Variants in LIMS1 observed in about 807,000 individuals in gnomAD.
The protein encoded by LIMS1 is LIM and senescent cell antigen-like-containing domain protein 1.
LIMS1 carries 18 observed loss-of-function variants against 44.1 expected under a neutral mutation model. The ratio of observed to expected loss-of-function variants is 0.41; its 90% confidence interval spans 0.28 to 0.61. The LOEUF (loss-of-function observed/expected upper bound fraction) is 0.61. Ranked by LOEUF, LIMS1 falls within the 20% of genes least tolerant of loss-of-function variation. The pLI, the probability that LIMS1 is intolerant of heterozygous loss-of-function variation, is 0.32. For synonymous variants in LIMS1, 93 were observed against 149.1 expected (o/e 0.62, Z 2.74); for missense variants, 201 against 422.0 (o/e 0.48, Z 4.59).
chr2:108,589,823 A>G (rs552354135), intron 1 of LIMS1, among the ~76,000 whole-genome samples: 2 of 151,884 alleles, frequency 1.3e-5, no homozygotes, highest in East Asian at 1.9e-4. Flanking sequence ...TAATTTCCAC[A>G]TATTTGTTAA....
At chr2:108,635,038 C>T (rs1249806495) in intron 1 of LIMS1, among the ~76,000 whole-genome samples, 2 of 152,150 alleles carry the variant, frequency 1.3e-5, no homozygotes, top group Non-Finnish European at 2.9e-5. Flanking sequence ...CCAGAAAGTG[C>T]CATGAGGATG....
At chr2:108,620,566 G>A (rs927714315) in intron 1 of LIMS1, among the ~76,000 whole-genome samples, 17 of 152,112 alleles carry the variant, frequency 1.1e-4, no homozygotes, top group African/African-American at 3.6e-4. Context: ...GTCACTTTCC[G>A]AGGTCAAATG....
At chr2:108,563,630 G>T (rs1685197933) in intron 1 of LIMS1, among the ~76,000 whole-genome samples, 1 of 152,224 alleles carries the variant, frequency 6.6e-6, no homozygotes, top group Non-Finnish European at 1.5e-5. Flanking sequence ...GATGAACAAA[G>T]AAAGTGATTT....
intron 1 of LIMS1, among the ~76,000 whole-genome samples, chr2:108,555,567 G>C (rs1401135388): frequency 1.3e-5 from 2 of 152,240 alleles, no homozygotes; most frequent in Admixed American, 6.5e-5. Context: ...ACAAAGTGCT[G>C]TGTGCGTGGT....
At chr2:108,563,831 G>T (rs900391935) in intron 1 of LIMS1, among the ~76,000 whole-genome samples, 1 of 152,080 alleles carries the variant, frequency 6.6e-6, no homozygotes, top group African/African-American at 2.4e-5. Flanking sequence ...GGCCAAGGTG[G>T]GAGGATTGCT....
intron 1 of LIMS1, among the ~76,000 whole-genome samples, chr2:108,599,947 G>A (rs1296079505): frequency 6.6e-6 from 1 of 151,460 alleles, no homozygotes; most frequent in Non-Finnish European, 1.5e-5. Context: ...CTTGTCAGAT[G>A]GTTAGTTTGC....
At chr2:108,557,156 C>G (rs796683000) in intron 1 of LIMS1, among the ~76,000 whole-genome samples, 14 of 152,288 alleles carry the variant, frequency 9.2e-5, no homozygotes, top group African/African-American at 3.4e-4. Context: ...CAGCTCACTG[C>G]AGCCTCAACC....
At chr2:108,551,491 GCACACACACACACACACA>G (rs67589132) in intron 1 of LIMS1, among the ~76,000 whole-genome samples, 6 of 114,868 alleles carry the variant, frequency 5.2e-5, no homozygotes, top group African/African-American at 1.3e-4. Flanking sequence ...GCGCGCGCGC[GCACACACACACACACACA>G]CACACACACA....
intron 1 of LIMS1, among the ~76,000 whole-genome samples, chr2:108,616,082 C>T (rs1687911967): frequency 6.6e-6 from 1 of 151,332 alleles, no homozygotes; most frequent in East Asian, 1.9e-4. Flanking sequence ...CATATTGTAT[C>T]AGTGGCTTTT....
chr2:108,553,196 C>T (rs1684819650), intron 1 of LIMS1, among the ~76,000 whole-genome samples: 1 of 152,328 alleles, frequency 6.6e-6, no homozygotes. Flanking sequence ...TTGTAGGGTT[C>T]AAGGTTTCCT....
At chr2:108,533,681 G>C, upstream of LIMS1, 2 of 152,518 alleles carry the variant, frequency 1.3e-5, no homozygotes, top group Non-Finnish European at 2.9e-5. Context: ...AAAGTGCTGG[G>C]ATTACAGGCG....
At chr2:108,665,033 T>C (rs568887980) in intron 2 of LIMS1, among the ~76,000 whole-genome samples, 28 of 152,354 alleles carry the variant, frequency 1.8e-4, no homozygotes, top group Non-Finnish European at 3.5e-4. Flanking sequence ...TAGGGAGTGC[T>C]GAAACCCATA....
intron 1 of LIMS1, among the ~76,000 whole-genome samples, chr2:108,580,587 T>C (rs2104653804): frequency 6.6e-6 from 1 of 152,274 alleles, no homozygotes; most frequent in South Asian, 2.1e-4. Context: ...GTTGCATTAA[T>C]CCACATAGGA....
chr2:108,538,249 C>T (rs1384183488), intron 1 of LIMS1, among the ~76,000 whole-genome samples: 6 of 152,224 alleles, frequency 3.9e-5, no homozygotes, highest in African/African-American at 1.4e-4. Context: ...CCTTTTCACT[C>T]TTTCTGATAT....
chr2:108,656,317 CT>C (rs1690837416), intron 1 of LIMS1, among the ~76,000 whole-genome samples: 1 of 139,832 alleles, frequency 7.2e-6, no homozygotes, highest in East Asian at 2.0e-4. Flanking sequence ...ATCTATCTAT[CT>C]ATAGATAGAT....
At chr2:108,572,023 A>C (rs1220903809) in intron 1 of LIMS1, among the ~76,000 whole-genome samples, 3 of 152,234 alleles carry the variant, frequency 2.0e-5, no homozygotes, top group Admixed American at 2.0e-4. Flanking sequence ...TAGCAATGCC[A>C]AAACTGTAAT....
At chr2:108,559,564 G>A (rs1685043059) in intron 1 of LIMS1, among the ~76,000 whole-genome samples, 1 of 152,104 alleles carries the variant, frequency 6.6e-6, no homozygotes, top group Non-Finnish European at 1.5e-5. Flanking sequence ...TAATTATGAA[G>A]AAGCATGATA....
intron 1 of LIMS1, among the ~76,000 whole-genome samples, chr2:108,586,121 G>A (rs1038331744): frequency 1.3e-5 from 2 of 152,172 alleles, no homozygotes; most frequent in South Asian, 4.1e-4. Flanking sequence ...GAACCCAGGA[G>A]GCGGAGCTTG....
chr2:108,569,980 A>G (rs1685430060), intron 1 of LIMS1, among the ~76,000 whole-genome samples: 1 of 151,988 alleles, frequency 6.6e-6, no homozygotes, highest in Non-Finnish European at 1.5e-5. Flanking sequence ...ATGCAAAAGT[A>G]TTTTTTAGCT....
Sources: allele counts gnomAD v4.1 joint callset (sites outside exome capture counted in the v4.1 genomes callset), GRCh38; gene constraint gnomAD v4.1.1; transcripts MANE v1.5; gene names NCBI Gene and HGNC (gene_info 2026-07-23, HGNC 2026-07-21).